CAB39: variants seen among roughly 807,000 people sequenced by gnomAD.
The protein encoded by CAB39 is calcium binding protein 39, also known as calcium-binding protein 39.
A neutral mutation model predicts 40.0 loss-of-function variants in CAB39; 8 were observed. The ratio of observed to expected loss-of-function variants is 0.20; its 90% CI spans 0.12 to 0.36. CAB39 has a LOEUF of 0.36. Ranked by LOEUF, CAB39 falls within the 10% of genes least tolerant of loss-of-function variation. The pLI is 1.00. For missense variants in CAB39, 270 were observed against 401.1 expected (o/e 0.67, Z 2.79); for synonymous variants, 156 against 141.6 (o/e 1.10, Z -0.72).
intron 5 of CAB39, among the ~76,000 whole-genome samples, 157 bp from the exon 6 acceptor site, chr2:230,810,106 T>G (rs138954405): frequency 3.5e-4 from 53 of 152,346 alleles, no homozygotes; most frequent in Non-Finnish European, 6.9e-4. Context: ...TTTATTTTGC[T>G]CTTATAGAAT....
chr2:230,729,146 A>G (rs1694640532), intron 1 of CAB39, among the ~76,000 whole-genome samples: 1 of 152,228 alleles, frequency 6.6e-6, no homozygotes, highest in African/African-American at 2.4e-5. Context: ...GATTAGTTGC[A>G]AATTAGCCAC....
intron 7 of CAB39, among the ~76,000 whole-genome samples, chr2:230,816,491 A>C (rs1696403558): frequency 6.6e-6 from 1 of 152,234 alleles, no homozygotes; most frequent in Non-Finnish European, 1.5e-5. Flanking sequence ...TATAAAGCCT[A>C]AGTAAAATAG....
At chr2:230,774,830 C>G (rs986181350) in intron 2 of CAB39, among the ~76,000 whole-genome samples, 3 of 152,050 alleles carry the variant, frequency 2.0e-5, no homozygotes, top group Middle Eastern at 3.4e-3. Context: ...CATGATCATT[C>G]AGCTTAGACT....
chr2:230,726,115 A>T (rs1439897427), intron 1 of CAB39, among the ~76,000 whole-genome samples: 1 of 152,106 alleles, frequency 6.6e-6, no homozygotes, highest in African/African-American at 2.4e-5. Flanking sequence ...TTTAAATTGG[A>T]ATATTTTCTA....
At chr2:230,750,873 G>GAAAT (rs2124906095) in intron 1 of CAB39, among the ~76,000 whole-genome samples, 1 of 152,328 alleles carries the variant, frequency 6.6e-6, no homozygotes. Flanking sequence ...AGAGTGCTTA[G>GAAAT]AAATGTCTAA....
intron 2 of CAB39, among the ~76,000 whole-genome samples, chr2:230,761,888 T>TTTGTG (rs1553671529): frequency 6.7e-6 from 1 of 149,842 alleles, no homozygotes; most frequent in East Asian, 2.0e-4. Context: ...TTGTTTTTTA[T>TTTGTG]TTGTTGTTGT....
At chr2:230,715,017 C>T (rs931468088) in intron 1 of CAB39, among the ~76,000 whole-genome samples, 1 of 152,170 alleles carries the variant, frequency 6.6e-6, no homozygotes, top group African/African-American at 2.4e-5. Context: ...AAAACATTTT[C>T]TATAATCTTA....
chr2:230,818,058 T>C (rs1575968121), intron 8 of CAB39, 161 bp downstream of exon 8: 1 of 646,954 alleles, frequency 1.5e-6, no homozygotes, highest in Non-Finnish European at 2.6e-6. Context: ...AACAGAAAGG[T>C]AGACCTGGAA....
intron 4 of CAB39, among the ~76,000 whole-genome samples, chr2:230,797,867 C>T (rs143896908): frequency 1.9e-3 from 290 of 152,104 alleles, no homozygotes; most frequent in African/African-American, 6.5e-3. Flanking sequence ...TTTGCTGGCC[C>T]GTTATTTCAC....
At position 230,793,719 on chromosome 2, in the gene CAB39, A is replaced by G. The variant is rs550314546; in HGVS notation, c.398+388A>G. 3.9e-5 allele frequency among the ~76,000 whole-genome samples: 6 copies of G among 152,382 alleles called. No homozygotes were observed. The South Asian group carries it at 1.2e-3, about 32-fold the overall frequency. Reference sequence around the variant, plus strand: ...CATAATACGCACGCTGTAAGGCAGTAAAAGCTGCCTCTTAAATGGAGCATG... The same window carrying G: ...CATAATACGCACGCTGTAAGGCAGTGAAAGCTGCCTCTTAAATGGAGCATG... On this transcript the variant is annotated intron_variant, in intron 4 of 8. Transcript: ENST00000258418.
chr2:230,719,005 A>G (rs1339051513), intron 1 of CAB39, among the ~76,000 whole-genome samples: 3 of 152,232 alleles, frequency 2.0e-5, no homozygotes, highest in African/African-American at 7.2e-5. Flanking sequence ...CAAAGGTTGT[A>G]TTCAAAATAT....
rs1016437660 is a variant in CAB39 at position 230,793,324 on chromosome 2, T to C, written c.391T>C (p.Leu131=). 1 of 1,527,716 alleles carries C rather than the reference T, an allele frequency of 6.5e-7. No homozygotes were observed. The allele number at this position is 1,527,716 out of a possible 1,614,324, so 94.6% of individuals were successfully genotyped here. A position where few individuals can be genotyped will look rare whatever the true frequency, so the allele number is the denominator to read the frequency against. Residue 131 remains leucine (L), a synonymous_variant, in exon 4 of 9, where the codon TTG becomes CTG. Transcript: ENST00000258418. ...CCAACAGAATATTTTGTTCATGTTA[T>C]TGAAAGGGTATGTACAATGTAATAA... The part of the protein sequence containing the change: ...CTQQNILFML[L]KGYESPEIAL...
intron 1 of CAB39, among the ~76,000 whole-genome samples, chr2:230,748,108 C>CTT (rs1371214461): frequency 4.2e-5 from 6 of 144,236 alleles, no homozygotes; most frequent in African/African-American, 7.6e-5. Flanking sequence ...TCTCTGCTGT[C>CTT]TTTTTTTTTT....
chr2:230,745,702 C>T lies in CAB39; in HGVS notation c.-43-14257C>T, dbSNP rs1575916261. Among the ~76,000 whole-genome samples the T allele has an allele frequency of 3.3e-5, 5 of 152,084 alleles. No homozygotes were observed. In the South Asian group the frequency reaches 1.0e-3, roughly 31 times the overall value. On this transcript the variant is annotated intron_variant, in intron 1 of 8. Transcript: ENST00000258418. ...AGTGCAGTGGTGCCATCTCAGCTCA[C>T]GGCAACCTCCACCTCCCGGGTTAAA...
At chr2:230,765,462 G>A (rs1575930790) in intron 2 of CAB39, among the ~76,000 whole-genome samples, 2 of 152,124 alleles carry the variant, frequency 1.3e-5, no homozygotes, top group African/African-American at 2.4e-5. Context: ...TCAAGGGTCC[G>A]CACTTTGAAA....
chr2:230,799,659 C>T (rs984485838), intron 5 of CAB39, among the ~76,000 whole-genome samples: 2 of 152,160 alleles, frequency 1.3e-5, no homozygotes, highest in Non-Finnish European at 2.9e-5. Context: ...ATATAAATTG[C>T]CTAACCTTAT....
intron 1 of CAB39, among the ~76,000 whole-genome samples, chr2:230,720,864 TCAGGCCGTTA>T (rs1214395013): frequency 6.6e-6 from 1 of 152,186 alleles, no homozygotes; most frequent in Non-Finnish European, 1.5e-5. Flanking sequence ...AGACAGAAAC[TCAGGCCGTTA>T]ACATGACCCA....
At chr2:230,716,316 T>A (rs894178079) in intron 1 of CAB39, among the ~76,000 whole-genome samples, 1 of 152,200 alleles carries the variant, frequency 6.6e-6, no homozygotes, top group East Asian at 1.9e-4. Flanking sequence ...TTACTAAAGT[T>A]TTCTGTTTTG....
intron 1 of CAB39, among the ~76,000 whole-genome samples, chr2:230,744,283 G>A (rs530056687): frequency 1.3e-5 from 2 of 151,804 alleles, no homozygotes; most frequent in East Asian, 3.9e-4. Flanking sequence ...AACACTTCCA[G>A]CCATATATAC....
Sources: allele counts gnomAD v4.1 joint callset (sites outside exome capture counted in the v4.1 genomes callset), GRCh38; gene constraint gnomAD v4.1.1; transcripts MANE v1.5; gene names NCBI Gene and HGNC (gene_info 2026-07-23, HGNC 2026-07-21).